Variants in INPP5A observed in about 807,000 individuals in gnomAD.
INPP5A encodes 43 kDa inositol polyphosphate 5-phophatase.
A neutral mutation model predicts 65.2 loss-of-function variants in INPP5A; 14 were observed. The ratio of observed to expected loss-of-function variants is 0.21; its 90% confidence interval spans 0.14 to 0.34. INPP5A has a LOEUF of 0.34. INPP5A is among the 10% of genes least tolerant of loss of function. The pLI is 1.00. For synonymous variants in INPP5A, 207 were observed against 208.3 expected, an observed-to-expected ratio of 0.99 and a Z score of 0.05; for missense variants, 431 against 545.6, an observed-to-expected ratio of 0.79 and a Z score of 2.09.
chr10:132,602,080 C>T (rs1000420473), intron 1 of INPP5A, among the ~76,000 whole-genome samples: 3 of 152,178 alleles, frequency 2.0e-5, no homozygotes, highest in African/African-American at 7.2e-5. Context: ...ATCTTAATAA[C>T]GTTAACTCCA....
intron 8 of INPP5A, among the ~76,000 whole-genome samples, chr10:132,711,894 C>T (rs1290120946): frequency 1.3e-5 from 2 of 152,204 alleles, no homozygotes; most frequent in East Asian, 3.9e-4. Context: ...GGCCTGGTAC[C>T]CTCTGAGCCT....
At chr10:132,701,679 G>A (rs905249227) in intron 6 of INPP5A, among the ~76,000 whole-genome samples, 3 of 152,218 alleles carry the variant, frequency 2.0e-5, no homozygotes, top group Non-Finnish European at 4.4e-5. Context: ...AGGTGCGCCC[G>A]TGGGGGCGTG....
intron 1 of INPP5A, among the ~76,000 whole-genome samples, chr10:132,589,323 C>G (rs2071588365): frequency 6.6e-6 from 1 of 152,230 alleles, no homozygotes. Context: ...GAGTGCCTTC[C>G]CACTAGGCTT....
intron 2 of INPP5A, among the ~76,000 whole-genome samples, chr10:132,645,197 G>A (rs2072476657): frequency 6.6e-6 from 1 of 151,870 alleles, no homozygotes. Context: ...CATGTCGGGG[G>A]CCTGGGAGCC....
At chr10:132,777,858 CAG>C (rs755456661) in intron 13 of INPP5A, 76 bp downstream of exon 13, 1 of 1,562,982 alleles carries the variant, frequency 6.4e-7, no homozygotes, top group Non-Finnish European at 8.7e-7. Context: ...GCCCTGGTGA[CAG>C]GGCCCCAGGG....
chr10:132,758,628 G>A (rs1174085987), intron 11 of INPP5A, among the ~76,000 whole-genome samples: 2 of 151,022 alleles, frequency 1.3e-5, no homozygotes, highest in Non-Finnish European at 3.0e-5. Context: ...GTCCCCAGCT[G>A]ACCCGACAGC....
chr10:132,679,479 C>T (rs574638463), intron 4 of INPP5A, among the ~76,000 whole-genome samples: 105 of 151,962 alleles, frequency 6.9e-4, no homozygotes, highest in Admixed American at 1.2e-3. Context: ...GCCACCCCAG[C>T]GGGAGGAGGA....
Position 132,645,900 on chromosome 10 carries a change from C to T in INPP5A, c.150C>T (p.Ala50=). Residue 50 remains alanine (A), a synonymous_variant, in exon 3 of 16, where the codon GCC becomes GCT. Coordinates refer to ENST00000368594, the MANE Select transcript of INPP5A (RefSeq NM_005539.5). ...ACACACACAAGCCGCACTTCATGGCCTTGCACTGTCAGGAGTTTGGAGGGA... is the reference window on the plus strand; with the variant it reads ...ACACACACAAGCCGCACTTCATGGCTTTGCACTGTCAGGAGTTTGGAGGGA... The part of the protein sequence containing the change: ...VVHTHKPHFM[A]LHCQEFGGKN... The T allele has an allele frequency of 1.2e-6, 2 of 1,614,070 alleles. No individual in the cohort carries two copies. The highest frequency in any genetic ancestry group is 1.7e-6 in the Non-Finnish European group (2 of 1,179,958).
At chr10:132,688,668 C>T (rs750742047) in intron 4 of INPP5A, among the ~76,000 whole-genome samples, 1 of 148,950 alleles carries the variant, frequency 6.7e-6, no homozygotes, top group Non-Finnish European at 1.5e-5. Context: ...TGAGTGTGAA[C>T]AAGTGTGTGC....
At chr10:132,565,827 G>A (rs1446549719) in intron 1 of INPP5A, among the ~76,000 whole-genome samples, 1 of 151,806 alleles carries the variant, frequency 6.6e-6, no homozygotes, top group East Asian at 1.9e-4. Flanking sequence ...GCATGTATGT[G>A]TGCATGTGTG....
Position 132,546,408 on chromosome 10 carries a change from G to A in INPP5A, c.75+8237G>A, listed in dbSNP as rs533486408. ...TGGCCTCCGGATCAGCCTGTTACTT[G>A]AACCCTGAGCCCCTGGTGGGTCTCG... On this transcript the variant is annotated intron_variant, in intron 1 of 15. Coordinates refer to ENST00000368594, the MANE Select transcript of INPP5A (RefSeq NM_005539.5). This position sits in a 1 kb window ranked among gnomAD's most constrained non-coding sequence, Gnocchi z 5.7. Among the ~76,000 whole-genome samples the A allele has an allele frequency of 1.2e-4, 19 of 152,112 alleles. No individual in the cohort carries two copies. In the South Asian group the frequency reaches 3.7e-3, roughly 30 times the overall value.
At chr10:132,680,153 G>C (rs1464424237) in intron 4 of INPP5A, among the ~76,000 whole-genome samples, 4 of 152,098 alleles carry the variant, frequency 2.6e-5, no homozygotes, top group African/African-American at 9.7e-5. Flanking sequence ...AACATCAACA[G>C]AGTAAAAAGG....
intron 9 of INPP5A, 76 bp from the exon 10 acceptor site, chr10:132,749,441 A>T: frequency 7.5e-7 from 1 of 1,329,362 alleles, no homozygotes; most frequent in Non-Finnish European, 1.1e-6. Flanking sequence ...TATCCCACTG[A>T]CTCGGGGTGT....
rs1474836176 is a variant in INPP5A, at chr10:132,772,558, A to C, written c.978-5113A>C. On this transcript the variant is annotated intron_variant, in intron 12 of 15. Coordinates refer to ENST00000368594, the MANE Select transcript of INPP5A (RefSeq NM_005539.5). ...GACACTCAGCACTGACACAGAGGCC[A>C]CGGCAGCCACCCCACGAGGAGTGGG... Among the ~76,000 whole-genome samples, 181 of 99,528 alleles carry C rather than the reference A, an allele frequency of 1.8e-3. 1 individual carries two copies. Among genetic ancestry groups the C allele is most frequent in the Non-Finnish European group, 3.3e-3 (140 of 42,880 alleles). The allele number at this position is 99,528 out of a possible 152,430, so 65.3% of individuals were successfully genotyped here.
rs1368839949 is a variant in INPP5A at position 132,720,757 on chromosome 10, T to G, written c.648-6064T>G. On this transcript the variant is annotated intron_variant, in intron 8 of 15. Coordinates refer to ENST00000368594, the MANE Select transcript of INPP5A (RefSeq NM_005539.5). The stretch of plus-strand genomic sequence containing the variant: ...GTTCTGTCTGGGCGCCTTAGACGGC[T>G]GTCTTGCGGGTTCTGTGGTACCTGG... 2.0e-5 allele frequency among the ~76,000 whole-genome samples: 3 copies of G among 150,394 alleles called. No individual in the cohort carries two copies. The East Asian group carries it at 5.9e-4, about 30-fold the overall frequency.
chr10:132,538,202 A>T lies in INPP5A; in HGVS notation c.75+31A>T. 8.0e-7 allele frequency: 1 copy of T among 1,242,538 alleles called. No individual in the cohort carries two copies. Among genetic ancestry groups the T allele is most frequent in the South Asian group, 2.9e-5 (1 of 34,278 alleles). 77.0% of individuals were successfully genotyped at this position (1,242,538 alleles called of 1,614,324 possible). On this transcript the variant is annotated intron_variant, in intron 1 of 15. Transcript: ENST00000368594. The surrounding 1 kb of genome is among the most constrained non-coding windows in gnomAD (Gnocchi z 4.1). ...TCCCCCGTGCCGGCGGCAGGCCCCA[A>T]GCCCGGAACCCCCGACCCTGACCCC...
intron 12 of INPP5A, among the ~76,000 whole-genome samples, chr10:132,768,318 C>T (rs568384677): frequency 8.5e-5 from 12 of 141,478 alleles, no homozygotes; most frequent in African/African-American, 1.9e-4. Flanking sequence ...GGTGCCCACG[C>T]GCCCAGTTGC....
chr10:132,647,405 A>C (rs2072512119), intron 3 of INPP5A, among the ~76,000 whole-genome samples: 1 of 152,184 alleles, frequency 6.6e-6, no homozygotes, highest in Non-Finnish European at 1.5e-5. Context: ...GGCATGAACC[A>C]CCATGCCTGG....
At chr10:132,618,525 T>C in intron 2 of INPP5A, among the ~76,000 whole-genome samples, 1 of 152,258 alleles carries the variant, frequency 6.6e-6, no homozygotes, top group Non-Finnish European at 1.5e-5. Context: ...TTCCTGATGG[T>C]AATTTTAAGA....
Sources: allele counts gnomAD v4.1 joint callset (sites outside exome capture counted in the v4.1 genomes callset), GRCh38; gene constraint gnomAD v4.1.1; non-coding constraint Gnocchi (gnomAD v3.1); transcripts MANE v1.5; gene names NCBI Gene and HGNC (gene_info 2026-07-23, HGNC 2026-07-21).